Variants in CPAMD8 observed in about 807,000 individuals in gnomAD.
The protein encoded by CPAMD8 is C3 and PZP like alpha-2-macroglobulin domain containing 8.
Under a neutral mutation model 224.7 loss-of-function variants are expected in CPAMD8, and 146 were observed. That is an observed-to-expected ratio of 0.65 (90% CI 0.57 to 0.75). The LOEUF is 0.75. Ranked by LOEUF, CPAMD8 falls within the 30% of genes least tolerant of loss-of-function variation. The pLI is 0.00. For missense variants in CPAMD8, 2,301 were observed against 2,537.5 expected (o/e 0.91, Z 2.00); for synonymous variants, 966 against 1,044.6 (o/e 0.92, Z 1.45).
intron 2 of CPAMD8, among the ~76,000 whole-genome samples, chr19:17,021,639 T>C (rs934697051): frequency 1.3e-5 from 2 of 152,210 alleles, no homozygotes; most frequent in East Asian, 3.9e-4. Context: ...GTAACAGGCC[T>C]GTGAGCCCAG....
At chr19:16,964,108 C>A (rs2122547166) in intron 18 of CPAMD8, among the ~76,000 whole-genome samples, 1 of 151,984 alleles carries the variant, frequency 6.6e-6, no homozygotes, top group South Asian at 2.1e-4. Flanking sequence ...AAATCGACAC[C>A]CTAACATCAC....
At chr19:16,942,580 T>C (rs2053937362) in intron 22 of CPAMD8, among the ~76,000 whole-genome samples, 1 of 152,236 alleles carries the variant, frequency 6.6e-6, no homozygotes, top group Non-Finnish European at 1.5e-5. Context: ...TGGCTGACCA[T>C]TGGCTGGGGC....
At chr19:17,018,270 CT>C (rs1238714740) in intron 3 of CPAMD8, among the ~76,000 whole-genome samples, 2 of 152,162 alleles carry the variant, frequency 1.3e-5, no homozygotes, top group Non-Finnish European at 1.5e-5. Flanking sequence ...TACATAATAT[CT>C]GAAATCCAAG....
intron 21 of CPAMD8, 47 bp from the exon 22 acceptor site, chr19:16,945,726 A>G (rs992155902): frequency 6.3e-7 from 1 of 1,596,576 alleles, no homozygotes; most frequent in Non-Finnish European, 8.6e-7. Context: ...TCCACCCAAG[A>G]TGGGGGCTGT....
chr19:17,016,803 A>C (rs1002937629), intron 3 of CPAMD8, among the ~76,000 whole-genome samples: 4 of 152,064 alleles, frequency 2.6e-5, no homozygotes, highest in Admixed American at 2.6e-4. Flanking sequence ...ACACAAAGGA[A>C]AGGCAGGAGA....
intron 27 of CPAMD8, among the ~76,000 whole-genome samples, chr19:16,917,325 A>G (rs1002552449): frequency 1.3e-5 from 2 of 152,220 alleles, no homozygotes; most frequent in African/African-American, 2.4e-5. Context: ...CGGTCCATCA[A>G]TTGTAACAAA....
chr19:16,902,756 G>A lies in CPAMD8; in HGVS notation c.4578C>T (p.Ala1526=). 6.3e-7 allele frequency: 1 copy of A among 1,596,738 alleles called. No homozygotes were observed. The highest frequency in any genetic ancestry group is 8.6e-7 in the Non-Finnish European group (1 of 1,168,192). ...EAQGRPPPMP[A]SAAEGSRGDW... is the part of the protein sequence containing the mutation. Reference sequence around the variant, plus strand: ...CTCCTCGGGAACCCTCAGCTGCGGAGGCAGGCATGGGGGGCGGGCGTCCCT... The same window carrying A: ...CTCCTCGGGAACCCTCAGCTGCGGAAGCAGGCATGGGGGGCGGGCGTCCCT... The change falls in exon 35 of 42, where the codon GCC becomes GCT. Residue 1526 remains alanine (A), a synonymous_variant. Transcript: ENST00000443236.
intron 29 of CPAMD8, among the ~76,000 whole-genome samples, chr19:16,911,438 T>C (rs1295011313): frequency 3.3e-5 from 5 of 151,444 alleles, no homozygotes; most frequent in Non-Finnish European, 7.4e-5. Context: ...CTTGGCTCAC[T>C]GCAACCTCTG....
intron 19 of CPAMD8, among the ~76,000 whole-genome samples, chr19:16,954,911 G>A (rs891962713): frequency 5.9e-5 from 9 of 152,170 alleles, no homozygotes; most frequent in Non-Finnish European, 7.4e-5. Context: ...GGCGGATCAC[G>A]AGGTCAGGAG....
chr19:16,921,959 C>A lies in CPAMD8; in HGVS notation c.3575G>T (p.Arg1192Leu), dbSNP rs371395530. 3.2e-6 allele frequency: 5 copies of A among 1,548,050 alleles called. No homozygotes were observed. Among genetic ancestry groups the A allele is most frequent in the African/African-American group, 2.7e-5 (2 of 73,040 alleles). Residue 1192 changes from arginine (R) to leucine (L), a missense_variant, in exon 27 of 42, where the codon CGC becomes CTC. Physicochemically the swap from Arg to Leu is moderately radical, Grantham distance 102 (BLOSUM62 -2). Coordinates refer to ENST00000443236, the MANE Select transcript of CPAMD8 (RefSeq NM_015692.5). ...AAACGCGCTGTAGGAGCCATCCTGG[C>A]GCTTGTAGGTCAGCTGGCGCTGGTA... ...QGYQRQLTYKRQDGSYSAFGE... is the reference protein window; with the variant it reads ...QGYQRQLTYKLQDGSYSAFGE...
At chr19:16,923,025 C>T (rs1173080270) in intron 26 of CPAMD8, among the ~76,000 whole-genome samples, 2 of 152,248 alleles carry the variant, frequency 1.3e-5, no homozygotes, top group African/African-American at 4.8e-5. Flanking sequence ...CCCCCACAGC[C>T]CTCTGTCCCC....
intron 18 of CPAMD8, among the ~76,000 whole-genome samples, chr19:16,968,175 C>A (rs903687924): frequency 6.6e-6 from 1 of 152,084 alleles, no homozygotes; most frequent in African/African-American, 2.4e-5. Flanking sequence ...GCCCTGGGGC[C>A]AGCATTCCAA....
At chr19:16,999,307 G>C (rs568084022) in intron 10 of CPAMD8, among the ~76,000 whole-genome samples, 13 of 152,116 alleles carry the variant, frequency 8.5e-5, no homozygotes, top group Middle Eastern at 3.4e-3. Context: ...GTGGCCAGGC[G>C]CAGTGGCTCA....
chr19:16,966,772 A>C (rs1035204234), intron 18 of CPAMD8, among the ~76,000 whole-genome samples: 4 of 152,222 alleles, frequency 2.6e-5, no homozygotes, highest in Admixed American at 2.6e-4. Context: ...AGAAATGCAA[A>C]TCAAAACCAC....
intron 3 of CPAMD8, among the ~76,000 whole-genome samples, chr19:17,018,244 C>T (rs2056863002): frequency 6.6e-6 from 1 of 152,152 alleles, no homozygotes; most frequent in South Asian, 2.1e-4. Context: ...CCCCCAAATG[C>T]CGCAATTCCA....
chr19:16,996,375 C>T (rs774516921), intron 11 of CPAMD8, among the ~76,000 whole-genome samples: 5 of 151,800 alleles, frequency 3.3e-5, no homozygotes, highest in African/African-American at 4.8e-5. Context: ...GACATCTGGA[C>T]ACCTCAAAAT....
At position 17,022,116 on chromosome 19, in the gene CPAMD8, A is replaced by T. The variant is rs776285308; in HGVS notation, c.158T>A (p.Ile53Asn). ...CGTGACTTCCCTTGGAGAGTTAAAG[A>T]TGGTCACGCTGATGACTTCCTCCAC... Reference protein sequence around the residue: ...AGVEEVISVTIFNSPREVTVQ... With the variant: ...AGVEEVISVTNFNSPREVTVQ... The change falls in exon 2 of 42, where the codon ATC (isoleucine) becomes AAC (asparagine). Residue 53 changes from isoleucine to asparagine, a missense_variant. Coordinates refer to ENST00000443236, the MANE Select transcript of CPAMD8 (RefSeq NM_015692.5). 6.2e-7 allele frequency: 1 copy of T among 1,607,134 alleles called. No homozygotes were observed. The highest frequency in any genetic ancestry group is 1.7e-5 in the Admixed American group (1 of 59,480).
intron 9 of CPAMD8, among the ~76,000 whole-genome samples, chr19:17,000,955 T>G (rs1233813872): frequency 1.3e-5 from 2 of 152,126 alleles, no homozygotes; most frequent in African/African-American, 2.4e-5. Flanking sequence ...TCAGGGGTGA[T>G]AGTGAAACTT....
At chr19:16,987,152 CAAAAAAAAAAA>C (rs1214757739) in intron 13 of CPAMD8, among the ~76,000 whole-genome samples, 9 of 23,004 alleles carry the variant, frequency 3.9e-4, no homozygotes, top group Admixed American at 8.8e-4. Flanking sequence ...GAGACTCTGT[CAAAAAAAAAAA>C]AAAAAAAAAA....
Sources: gnomAD v4.1 joint callset for allele counts (sites outside exome capture counted in the v4.1 genomes callset) on GRCh38, gnomAD v4.1.1 for gene constraint, MANE v1.5 for transcripts, NCBI Gene and HGNC (gene_info 2026-07-23, HGNC 2026-07-21) for gene names.